The following MAF variants were observed in gnomAD, a reference collection of about 807,000 sequenced individuals.
MAF encodes transcription factor Maf.
MAF carries 10 observed loss-of-function variants against 22.0 expected under a neutral mutation model. That is an observed-to-expected ratio of 0.45 (90% CI 0.28 to 0.77). The LOEUF (loss-of-function observed/expected upper bound fraction) is 0.77, where lower values mean the gene tolerates loss of function less well. MAF is among the 30% of genes least tolerant of loss of function. The probability of loss-of-function intolerance (pLI) is 0.12; values close to 1 mark genes in which losing one functional copy is unlikely to be tolerated. For missense variants in MAF, 544 were observed against 548.4 expected (o/e 0.99, Z 0.08); for synonymous variants, 337 against 255.8 (o/e 1.32, Z -3.03).
chr16:79,350,433 C>A, the MAF span, among the ~76,000 whole-genome samples: 1 of 152,214 alleles, frequency 6.6e-6, no homozygotes, highest in East Asian at 1.9e-4. Flanking sequence ...TAAATGACAC[C>A]ATTGCAGATC....
the MAF span, among the ~76,000 whole-genome samples, chr16:79,510,023 C>A: frequency 6.6e-6 from 1 of 152,158 alleles, no homozygotes; most frequent in Non-Finnish European, 1.5e-5. Flanking sequence ...TTGGACATGG[C>A]AGAACAGTTA....
At chr16:79,374,007 T>G in the MAF span, among the ~76,000 whole-genome samples, 47 of 151,988 alleles carry the variant, frequency 3.1e-4, no homozygotes, top group African/African-American at 1.1e-3. Flanking sequence ...ATCCTGAGAG[T>G]TGGGGTGATT....
the MAF span, among the ~76,000 whole-genome samples, chr16:79,376,110 GA>G: frequency 0.44 from 65,178 of 147,492 alleles, 14,492 homozygotes; most frequent in African/African-American, 0.52. Flanking sequence ...TTGTTGGAGA[GA>G]AAAAAAAAAG....
At chr16:79,561,141 G>C in the MAF span, among the ~76,000 whole-genome samples, 1 of 151,986 alleles carries the variant, frequency 6.6e-6, no homozygotes, top group Non-Finnish European at 1.5e-5. Flanking sequence ...GGTCACACTG[G>C]GCTCATGGGC....
the MAF span, among the ~76,000 whole-genome samples, chr16:79,219,764 C>T: frequency 6.6e-6 from 1 of 152,082 alleles, no homozygotes; most frequent in Non-Finnish European, 1.5e-5. Context: ...CCTCAGACTT[C>T]ATTCCTACCG....
the MAF span, among the ~76,000 whole-genome samples, chr16:79,411,080 C>G: frequency 6.6e-6 from 1 of 152,194 alleles, no homozygotes; most frequent in Non-Finnish European, 1.5e-5. Context: ...TTCCTTTGAT[C>G]TTGCCTTTAT....
chr16:79,535,864 C>A, the MAF span, among the ~76,000 whole-genome samples: 6 of 152,150 alleles, frequency 3.9e-5, no homozygotes, highest in Admixed American at 2.0e-4. Flanking sequence ...AGCCACCACA[C>A]CCGGCTGCAT....
chr16:79,469,361 A>G, the MAF span, among the ~76,000 whole-genome samples: 3 of 152,186 alleles, frequency 2.0e-5, no homozygotes, highest in Non-Finnish European at 4.4e-5. Context: ...TTAAAAACAT[A>G]AGCTCGGGAT....
chr16:79,453,891 C>A, the MAF span, among the ~76,000 whole-genome samples: 2 of 152,170 alleles, frequency 1.3e-5, no homozygotes, highest in Non-Finnish European at 2.9e-5. Context: ...GTGGATTAAA[C>A]ACACTGAATC....
the MAF span, among the ~76,000 whole-genome samples, chr16:79,339,618 C>A: frequency 2.0e-5 from 3 of 152,070 alleles, no homozygotes; most frequent in Admixed American, 2.0e-4. Context: ...CTAACTAATA[C>A]AATACATTAA....
chr16:79,390,631 A>G, the MAF span, among the ~76,000 whole-genome samples: 1 of 152,138 alleles, frequency 6.6e-6, no homozygotes, highest in Non-Finnish European at 1.5e-5. Flanking sequence ...CAGAGTGTGC[A>G]TTTACCACTC....
chr16:79,346,923 G>T, the MAF span, among the ~76,000 whole-genome samples: 1 of 152,118 alleles, frequency 6.6e-6, no homozygotes, highest in African/African-American at 2.4e-5. Context: ...ATCCCATTAG[G>T]TTTATTTTTT....
the MAF span, among the ~76,000 whole-genome samples, chr16:79,243,541 C>A: frequency 6.6e-6 from 1 of 151,902 alleles, no homozygotes; most frequent in African/African-American, 2.4e-5. Context: ...CTGAATAGAC[C>A]AATAACAAGT....
chr16:79,253,403 A>G, the MAF span, among the ~76,000 whole-genome samples: 2 of 152,190 alleles, frequency 1.3e-5, no homozygotes, highest in African/African-American at 2.4e-5. Flanking sequence ...GTTCACTTAA[A>G]TAACCTTATC....
At chr16:79,408,539 C>G in the MAF span, among the ~76,000 whole-genome samples, 3 of 152,146 alleles carry the variant, frequency 2.0e-5, no homozygotes, top group Non-Finnish European at 4.4e-5. Flanking sequence ...TTCGCTGCAC[C>G]TCAGTTTCCT....
At chr16:79,297,371 C>T in the MAF span, among the ~76,000 whole-genome samples, 3 of 152,296 alleles carry the variant, frequency 2.0e-5, no homozygotes, top group Middle Eastern at 3.4e-3. Flanking sequence ...TGAATATCTA[C>T]GGTGACTGTG....
the MAF span, among the ~76,000 whole-genome samples, chr16:79,471,502 T>C: frequency 6.6e-6 from 1 of 152,152 alleles, no homozygotes; most frequent in Non-Finnish European, 1.5e-5. Context: ...GGCTAACTCC[T>C]GTCTCTAGAA....
the MAF span, among the ~76,000 whole-genome samples, chr16:79,295,109 G>T: frequency 6.6e-6 from 1 of 152,072 alleles, no homozygotes; most frequent in East Asian, 1.9e-4. Context: ...GGGGCAGGGG[G>T]CTGTCTATAA....
chr16:79,374,347 G>A, the MAF span, among the ~76,000 whole-genome samples: 1 of 152,030 alleles, frequency 6.6e-6, no homozygotes, highest in Admixed American at 6.6e-5. Context: ...CATCCAACTG[G>A]TCAATGAGCT....
Sources: allele counts gnomAD v4.1 joint callset (sites outside exome capture counted in the v4.1 genomes callset), GRCh38; gene constraint gnomAD v4.1.1; transcripts MANE v1.5; gene names NCBI Gene and HGNC (gene_info 2026-07-23, HGNC 2026-07-21).